The following WWC2 variants were observed in gnomAD, a reference collection of about 807,000 sequenced individuals.
WWC2 encodes WW and C2 domain containing 2, also known as protein WWC2.
A neutral mutation model predicts 138.5 loss-of-function variants in WWC2; 101 were observed. The observed-to-expected ratio is 0.73, with a 90% CI of 0.62 to 0.86. WWC2 has a LOEUF of 0.86. WWC2 is among the 40% of genes least tolerant of loss of function. The pLI is 0.00. For synonymous variants in WWC2, 558 were observed against 538.4 expected, an observed-to-expected ratio of 1.04 and a Z score of -0.50; for missense variants, 1,420 against 1,419.4, an observed-to-expected ratio of 1.00 and a Z score of -0.01.
At chr4:183,290,330 G>T (rs1041700386) in intron 21 of WWC2, among the ~76,000 whole-genome samples, 1 of 152,018 alleles carries the variant, frequency 6.6e-6, no homozygotes, top group Non-Finnish European at 1.5e-5. Flanking sequence ...GCCTGGCCAA[G>T]ATGCTGAAAC....
At chr4:183,253,244 C>A (rs141446082) in intron 8 of WWC2, among the ~76,000 whole-genome samples, 9 of 152,286 alleles carry the variant, frequency 5.9e-5, no homozygotes, top group Non-Finnish European at 1.0e-4. Flanking sequence ...CCCTGACTTA[C>A]TAATGCCCTA....
chr4:183,176,579 C>T (rs563643428), intron 1 of WWC2, among the ~76,000 whole-genome samples: 9 of 152,088 alleles, frequency 5.9e-5, no homozygotes, highest in African/African-American at 1.9e-4. Context: ...CCTGCCACCA[C>T]GCCCAGCTAA....
intron 1 of WWC2, among the ~76,000 whole-genome samples, chr4:183,110,729 T>A (rs1379438752): frequency 1.3e-5 from 2 of 152,202 alleles, no homozygotes; most frequent in Non-Finnish European, 2.9e-5. Flanking sequence ...AATAATCACT[T>A]TTAACTAAGT....
intron 4 of WWC2, among the ~76,000 whole-genome samples, chr4:183,220,572 C>T (rs970675691): frequency 2.7e-5 from 4 of 150,780 alleles, no homozygotes; most frequent in Admixed American, 6.6e-5. Flanking sequence ...CGGTGGCTCA[C>T]GCCTGTAATT....
At chr4:183,245,090 C>T (rs1472641354) in intron 5 of WWC2, among the ~76,000 whole-genome samples, 4 of 151,636 alleles carry the variant, frequency 2.6e-5, no homozygotes, top group Non-Finnish European at 5.9e-5. Flanking sequence ...AGCCGGGCAT[C>T]GTGGCGGGTG....
intron 1 of WWC2, among the ~76,000 whole-genome samples, chr4:183,121,849 G>A (rs1385750400): frequency 1.4e-5 from 2 of 147,688 alleles, no homozygotes; most frequent in Non-Finnish European, 3.0e-5. Flanking sequence ...GCGGTGGCAC[G>A]ATCTTGGCTC....
At chr4:183,255,721 A>G (rs1395135458) in intron 9 of WWC2, among the ~76,000 whole-genome samples, 2 of 152,156 alleles carry the variant, frequency 1.3e-5, no homozygotes, top group East Asian at 3.8e-4. Flanking sequence ...TATTAGGAGT[A>G]GAGCTTCCAA....
intron 1 of WWC2, among the ~76,000 whole-genome samples, chr4:183,158,508 A>C (rs1733868722): frequency 6.6e-6 from 1 of 151,622 alleles, no homozygotes; most frequent in South Asian, 2.1e-4. Context: ...TCCTTTTCTT[A>C]CAAGAATGCC....
In WWC2 at chr4:183,310,323, C is replaced by CT. The variant is rs548076270; in HGVS notation, c.3385-2017dup. Among the ~76,000 whole-genome samples the CT allele has an allele frequency of 2.6e-3, 395 of 152,242 alleles. 2 individuals carry two copies. The highest frequency in any genetic ancestry group is 8.6e-3 in the African/African-American group (359 of 41,542). ...TCGGGGCAGGGAGTCAATGAGAACT[C>CT]TACTTTCCACCCCATTTTGCTATGA... is the stretch of plus-strand genomic sequence containing the variant. On this transcript the variant is annotated intron_variant, in intron 21 of 22. Transcript: ENST00000403733.
intron 1 of WWC2, among the ~76,000 whole-genome samples, chr4:183,180,064 C>T (rs1258078080): frequency 3.3e-5 from 5 of 152,048 alleles, no homozygotes; most frequent in Non-Finnish European, 4.4e-5. Context: ...TTTTTAAGGA[C>T]GTTGAATCTT....
chr4:183,205,236 T>A (rs534529835), intron 2 of WWC2, among the ~76,000 whole-genome samples: 3 of 152,330 alleles, frequency 2.0e-5, no homozygotes, highest in Admixed American at 2.0e-4. Flanking sequence ...GCATTGCCAG[T>A]TTTTAAATTC....
intron 4 of WWC2, among the ~76,000 whole-genome samples, chr4:183,216,414 A>T (rs1735759129): frequency 6.6e-6 from 1 of 152,236 alleles, no homozygotes; most frequent in South Asian, 2.1e-4. Flanking sequence ...AATAGGCTCA[A>T]CAAGAAGACA....
At position 183,312,435 on chromosome 4, in the gene WWC2, G is replaced by A. The variant is rs201577939; in HGVS notation, c.3479G>A (p.Ser1160Asn). 252 of 1,613,736 alleles carry A rather than the reference G, an allele frequency of 1.6e-4. No homozygotes were observed. Among genetic ancestry groups the A allele is most frequent in the Non-Finnish European group, 1.3e-4 (154 of 1,179,780 alleles). The change falls in exon 22 of 23, where the codon AGC becomes AAC. Residue 1160 changes from serine to asparagine, a missense_variant. Coordinates refer to ENST00000403733, the MANE Select transcript of WWC2 (RefSeq NM_024949.6). ...SKDVCRLREQ[S>N]QKVPRQVQSF... ...GACGTGTGTCGGCTCCGGGAGCAGAGCCAGAAGGTGCCTCGGCAGGTGCAG... is the reference window on the plus strand; with the variant it reads ...GACGTGTGTCGGCTCCGGGAGCAGAACCAGAAGGTGCCTCGGCAGGTGCAG...
At chr4:183,199,312 A>AC (rs201703521) in intron 2 of WWC2, among the ~76,000 whole-genome samples, 2,003 of 152,254 alleles carry the variant, frequency 0.013, 49 homozygotes, top group African/African-American at 0.044. Context: ...CTCTTTAATT[A>AC]AGCCTGTTCC....
At chr4:183,217,848 A>G (rs1265277716) in intron 4 of WWC2, among the ~76,000 whole-genome samples, 1 of 152,168 alleles carries the variant, frequency 6.6e-6, no homozygotes, top group East Asian at 1.9e-4. Context: ...AGGGGAGGAA[A>G]TCACAACAAT....
chr4:183,274,480 T>TG (rs1413058291), intron 16 of WWC2, among the ~76,000 whole-genome samples: 2 of 152,218 alleles, frequency 1.3e-5, no homozygotes, highest in African/African-American at 4.8e-5. Context: ...GGTAATGTGC[T>TG]GATGTCCTAA....
At chr4:183,101,896 T>G (rs1159780923) in intron 1 of WWC2, among the ~76,000 whole-genome samples, 1 of 152,218 alleles carries the variant, frequency 6.6e-6, no homozygotes, top group Non-Finnish European at 1.5e-5. Flanking sequence ...CTTGCATATT[T>G]TTTATGTTAT....
At chr4:183,199,392 T>A (rs4351063) in intron 2 of WWC2, among the ~76,000 whole-genome samples, 2,001 of 152,310 alleles carry the variant, frequency 0.013, 47 homozygotes, top group African/African-American at 0.044. Context: ...TAGCCACTCA[T>A]ACACTAGCCA....
At chr4:183,164,278 A>G (rs1204373565) in intron 1 of WWC2, among the ~76,000 whole-genome samples, 2 of 400 alleles carry the variant, frequency 5.0e-3, no homozygotes, top group Non-Finnish European at 0.11. Context: ...ATATATATAT[A>G]TATATATATA....
Sources: gnomAD v4.1 joint callset for allele counts (sites outside exome capture counted in the v4.1 genomes callset) on GRCh38, gnomAD v4.1.1 for gene constraint, MANE v1.5 for transcripts, NCBI Gene and HGNC (gene_info 2026-07-23, HGNC 2026-07-21) for gene names.